The following TMEM266 variants were observed in gnomAD, a reference collection of about 807,000 sequenced individuals.
TMEM266 encodes transmembrane protein 266, also known as Hv1 related protein 1.
In TMEM266, 33 loss-of-function variants were observed where a neutral mutation model predicts 50.5. The observed-to-expected ratio is 0.65, with a 90% CI of 0.50 to 0.87. The LOEUF is 0.87. Among genes scored for constraint, TMEM266 ranks in the 40% least tolerant of loss-of-function variants. The probability of loss-of-function intolerance (pLI) is 0.00; values close to 1 mark genes in which losing one functional copy is unlikely to be tolerated. For missense variants in TMEM266, 655 were observed against 695.1 expected (o/e 0.94, Z 0.65); for synonymous variants, 310 against 292.3 (o/e 1.06, Z -0.62).
intron 1 of TMEM266, among the ~76,000 whole-genome samples, chr15:76,075,506 A>T (rs897658984): frequency 2.0e-5 from 3 of 152,134 alleles, no homozygotes; most frequent in African/African-American, 7.2e-5. Context: ...GTTTGAAATG[A>T]AGCTTCAGAC....
At chr15:76,173,777 A>G (rs1204826573) in intron 7 of TMEM266, among the ~76,000 whole-genome samples, 5 of 151,990 alleles carry the variant, frequency 3.3e-5, no homozygotes, top group African/African-American at 1.2e-4. Flanking sequence ...TACTAAAAAT[A>G]TAAAAATTAG....
At chr15:76,123,713 C>CT (rs573502236) in intron 1 of TMEM266, among the ~76,000 whole-genome samples, 6,082 of 147,452 alleles carry the variant, frequency 0.041, 249 homozygotes, top group African/African-American at 0.11. Context: ...AGGGATGAAT[C>CT]TTTTTTTTTT....
chr15:76,157,062 A>T (rs2037938979), intron 4 of TMEM266, among the ~76,000 whole-genome samples: 1 of 151,828 alleles, frequency 6.6e-6, no homozygotes, highest in Non-Finnish European at 1.5e-5. Context: ...CCCTGTATGC[A>T]TTTTTTTTAA....
chr15:76,137,625 C>T, intron 2 of TMEM266, 82 bp from the exon 3 acceptor site: 1 of 1,371,166 alleles, frequency 7.3e-7, no homozygotes, highest in East Asian at 2.3e-5. Context: ...TAGCAGCATT[C>T]TCCCTCCTTT....
At chr15:76,148,838 C>T (rs906698040) in intron 3 of TMEM266, among the ~76,000 whole-genome samples, 3 of 152,030 alleles carry the variant, frequency 2.0e-5, no homozygotes, top group Admixed American at 2.0e-4. Context: ...CTTTGGTGAC[C>T]CCAGCTGCAC....
chr15:76,133,009 G>A (rs2037535546), intron 1 of TMEM266, among the ~76,000 whole-genome samples: 1 of 151,558 alleles, frequency 6.6e-6, no homozygotes, highest in Non-Finnish European at 1.5e-5. Context: ...GGTAGTACGT[G>A]CCTGTAATCC....
chr15:76,142,111 G>A (rs2955731), intron 3 of TMEM266, among the ~76,000 whole-genome samples: 42,420 of 152,088 alleles, frequency 0.28, 6,967 homozygotes, highest in African/African-American at 0.44. Context: ...CTTTCAGGCC[G>A]GGTGCAGTGG....
At chr15:76,156,235 C>A (rs943402342) in intron 3 of TMEM266, among the ~76,000 whole-genome samples, 1 of 152,186 alleles carries the variant, frequency 6.6e-6, no homozygotes, top group Non-Finnish European at 1.5e-5. Flanking sequence ...TGACACACAC[C>A]TGTAGCCCCA....
intron 1 of TMEM266, among the ~76,000 whole-genome samples, chr15:76,126,579 T>C (rs1464615584): frequency 6.6e-6 from 1 of 151,822 alleles, no homozygotes; most frequent in African/African-American, 2.4e-5. Context: ...TCGCCCAGGC[T>C]GGAGTGCAGT....
chr15:76,126,973 T>A (rs1168864368), intron 1 of TMEM266, among the ~76,000 whole-genome samples: 1 of 152,152 alleles, frequency 6.6e-6, no homozygotes, highest in Non-Finnish European at 1.5e-5. Flanking sequence ...AGTTATAAAA[T>A]GAATACATGC....
At chr15:76,065,291 C>T (rs1030848557) in intron 1 of TMEM266, among the ~76,000 whole-genome samples, 2 of 152,098 alleles carry the variant, frequency 1.3e-5, no homozygotes, top group Non-Finnish European at 2.9e-5. Context: ...TTCTTGATAC[C>T]CTGCAAGGAG....
At chr15:76,061,433 CA>C (rs2036301160) in intron 1 of TMEM266, among the ~76,000 whole-genome samples, 1 of 152,218 alleles carries the variant, frequency 6.6e-6, no homozygotes, top group African/African-American at 2.4e-5. Context: ...GGTAAGGATG[CA>C]AACTCAAGCA....
chr15:76,151,800 CG>C (rs1214115840), intron 3 of TMEM266, among the ~76,000 whole-genome samples: 1 of 152,154 alleles, frequency 6.6e-6, no homozygotes, highest in Non-Finnish European at 1.5e-5. Flanking sequence ...TCAGCAAGCA[CG>C]GGGAAGGGCT....
rs1178848928 is a variant in TMEM266 at position 76,079,396 on chromosome 15, CTCT to C, written c.-97+19386_-97+19388del. 4.7e-5 allele frequency among the ~76,000 whole-genome samples: 7 copies of C among 147,654 alleles called. No individual in the cohort carries two copies. The East Asian group carries it at 1.2e-3, about 25-fold the overall frequency. On this transcript the variant is annotated intron_variant, in intron 1 of 10. Transcript: ENST00000388942. ...CACAGGAAGGCAGGTCTCCCGGTTACTCTTCTTCCTTATAAGGACACTTGTCAT... is the reference window on the plus strand; with the variant it reads ...CACAGGAAGGCAGGTCTCCCGGTTACTCTTCCTTATAAGGACACTTGTCAT...
intron 8 of TMEM266, chr15:76,178,876 G>A (rs1020018651): frequency 7.2e-5 from 11 of 152,284 alleles, no homozygotes; most frequent in African/African-American, 2.7e-4. Flanking sequence ...GGGCCAGACA[G>A]GCTGGACTCC....
chr15:76,076,260 T>TA (rs2036607270), intron 1 of TMEM266, among the ~76,000 whole-genome samples: 1 of 152,044 alleles, frequency 6.6e-6, no homozygotes, highest in Non-Finnish European at 1.5e-5. Context: ...TCTTTCTAGT[T>TA]ACCAGTTATA....
chr15:76,170,855 C>G (rs1596149755), intron 6 of TMEM266, 138 bp from the exon 7 acceptor site: 1 of 1,002,936 alleles, frequency 1.0e-6, no homozygotes, highest in East Asian at 2.7e-5. Context: ...CAGGAGGGGC[C>G]ACCCGGGGTG....
chr15:76,133,207 G>A (rs2037539912), intron 1 of TMEM266, among the ~76,000 whole-genome samples: 1 of 152,104 alleles, frequency 6.6e-6, no homozygotes, highest in Non-Finnish European at 1.5e-5. Context: ...GCCGAGGCGG[G>A]CGGATCACCT....
At position 76,203,912 on chromosome 15, in the gene TMEM266, A is replaced by G; in HGVS notation, c.1193A>G (p.Gln398Arg). 6.2e-7 allele frequency: 1 copy of G among 1,614,122 alleles called. No homozygotes were observed. The highest frequency in any genetic ancestry group is 8.5e-7 in the Non-Finnish European group (1 of 1,180,030). Residue 398 changes from glutamine (Q) to arginine (R), a missense_variant, in exon 11 of 11, where the codon CAG becomes CGG. By Grantham distance (43) the Gln-to-Arg change is conservative. Around this residue, in one of 3 missense-constraint regions of TMEM266, gnomAD observed 455 missense variants for 401.8 expected, o/e 1.13. Transcript: ENST00000388942. ...TCCCGCAGCTCAGTCACCCGGGCCC[A>G]GAGTGACAGCAGCCAGACGCTGGGC...
Sources: gnomAD v4.1 joint callset for allele counts (sites outside exome capture counted in the v4.1 genomes callset) on GRCh38, gnomAD v4.1.1 for gene constraint, gnomAD v4.1.1 regional missense constraint, MANE v1.5 for transcripts, NCBI Gene and HGNC (gene_info 2026-07-23, HGNC 2026-07-21) for gene names.